QTGAL: variants seen among roughly 807,000 people sequenced by gnomAD.
QTGAL encodes queuosine-tRNA galactosyltransferase.
chr17:82,942,328 A>C, the QTGAL span: 3 of 1,450,418 alleles, frequency 2.1e-6, no homozygotes, highest in South Asian at 1.2e-5. Context: ...AAACGGCACA[A>C]ATGGTTTCCT....
the QTGAL span, chr17:82,946,894 A>G: frequency 1.0e-4 from 161 of 1,559,522 alleles, 1 homozygote; most frequent in Non-Finnish European, 1.4e-4. Context: ...AGCAGCTGCC[A>G]TGGGTCCGTC....
the QTGAL span, among the ~76,000 whole-genome samples, chr17:83,039,797 C>G: frequency 6.6e-6 from 1 of 152,224 alleles, no homozygotes; most frequent in Non-Finnish European, 1.5e-5. Context: ...CCCAAGTCTA[C>G]TTTACTCCTG....
chr17:83,006,458 C>G, the QTGAL span: 2 of 984,650 alleles, frequency 2.0e-6, no homozygotes, highest in East Asian at 1.1e-4. The surrounding 1 kb of genome is among the most constrained non-coding windows in gnomAD (Gnocchi z 5.8). Flanking sequence ...CCTCTGTGCC[C>G]TTCACCACTT....
chr17:82,972,234 CT>C, the QTGAL span, among the ~76,000 whole-genome samples: 48 of 22,010 alleles, frequency 2.2e-3, 1 homozygote, highest in South Asian at 0.014. Context: ...CCACACCACA[CT>C]CATAGGGGCC....
At chr17:82,957,381 AAGCTGCGGTAC>A in the QTGAL span, 10 of 1,613,176 alleles carry the variant, frequency 6.2e-6, no homozygotes, top group Non-Finnish European at 8.5e-6. Context: ...GCCGGCAGTC[AAGCTGCGGTAC>A]AGCCGGCGCC....
the QTGAL span, among the ~76,000 whole-genome samples, chr17:82,959,813 T>C: frequency 6.6e-6 from 1 of 152,058 alleles, no homozygotes; most frequent in Non-Finnish European, 1.5e-5. Flanking sequence ...CTGAAAATGT[T>C]GGCCCATCGT....
At chr17:83,019,646 T>A in the QTGAL span, among the ~76,000 whole-genome samples, 2 of 152,332 alleles carry the variant, frequency 1.3e-5, no homozygotes, top group South Asian at 4.1e-4. Flanking sequence ...TTCACGCCAC[T>A]GAATTAAAAA....
At chr17:83,037,329 C>T in the QTGAL span, among the ~76,000 whole-genome samples, 996 of 152,314 alleles carry the variant, frequency 6.5e-3, 17 homozygotes, top group African/African-American at 0.023. This position sits in a 1 kb window ranked among gnomAD's most constrained non-coding sequence, Gnocchi z 5.2. Context: ...CGCACAGAAG[C>T]GAGACGCACA....
chr17:82,948,548 A>G, the QTGAL span: 1 of 152,218 alleles, frequency 6.6e-6, no homozygotes, highest in Non-Finnish European at 1.5e-5. Flanking sequence ...ATACGCACAC[A>G]CCCCAAACAC....
the QTGAL span, among the ~76,000 whole-genome samples, chr17:82,953,879 A>G: frequency 6.6e-6 from 1 of 152,238 alleles, no homozygotes; most frequent in Non-Finnish European, 1.5e-5. Context: ...CATCACATAA[A>G]CAGAACCAAA....
chr17:83,038,871 A>G, the QTGAL span, among the ~76,000 whole-genome samples: 1 of 141,030 alleles, frequency 7.1e-6, no homozygotes, highest in Admixed American at 7.1e-5. Flanking sequence ...CAACAACAAA[A>G]AAATATTAAA....
chr17:82,978,240 CTG>C, the QTGAL span, among the ~76,000 whole-genome samples: 2 of 152,150 alleles, frequency 1.3e-5, no homozygotes, highest in South Asian at 2.1e-4. The surrounding 1 kb of genome is among the most constrained non-coding windows in gnomAD (Gnocchi z 4.8). Context: ...GGCTGCGAGT[CTG>C]TGAGTCCCAT....
At chr17:83,048,459 A>G in the QTGAL span, 1 of 1,583,388 alleles carries the variant, frequency 6.3e-7, no homozygotes, top group Non-Finnish European at 8.7e-7. Context: ...TAAACTAAGC[A>G]TGTTTACTTA....
the QTGAL span, among the ~76,000 whole-genome samples, chr17:82,996,990 C>T: frequency 2.5e-4 from 38 of 152,222 alleles, no homozygotes; most frequent in African/African-American, 7.9e-4. Context: ...GACTGGGCAA[C>T]GATTTCTTGA....
At chr17:82,959,235 TG>T in the QTGAL span, among the ~76,000 whole-genome samples, 1 of 151,066 alleles carries the variant, frequency 6.6e-6, no homozygotes, top group East Asian at 1.9e-4. Context: ...ACTGTGTGGA[TG>T]TGTGTACACG....
the QTGAL span, among the ~76,000 whole-genome samples, chr17:82,969,108 G>C: frequency 6.6e-6 from 1 of 150,872 alleles, no homozygotes; most frequent in South Asian, 2.1e-4. Context: ...CTATAACCTG[G>C]GTAACAGAGC....
At chr17:82,952,337 G>A in the QTGAL span, among the ~76,000 whole-genome samples, 1 of 152,136 alleles carries the variant, frequency 6.6e-6, no homozygotes. Context: ...CTTGGGGCCT[G>A]GCTCACTCTA....
chr17:82,992,760 C>T, the QTGAL span, among the ~76,000 whole-genome samples: 2 of 151,916 alleles, frequency 1.3e-5, no homozygotes, highest in East Asian at 1.9e-4. Flanking sequence ...AATAACTTTT[C>T]AACAGATAGT....
At chr17:82,959,159 G>A in the QTGAL span, among the ~76,000 whole-genome samples, 3 of 151,872 alleles carry the variant, frequency 2.0e-5, no homozygotes, top group Non-Finnish European at 4.4e-5. Context: ...TGCATGTGTG[G>A]TGAGTGCATG....
Sources: allele counts gnomAD v4.1 joint callset (sites outside exome capture counted in the v4.1 genomes callset), GRCh38; gene constraint gnomAD v4.1.1; non-coding constraint Gnocchi (gnomAD v3.1); transcripts MANE v1.5; gene names NCBI Gene and HGNC (gene_info 2026-07-23, HGNC 2026-07-21).